ZNF433: variants seen among roughly 807,000 people sequenced by gnomAD.
ZNF433 encodes the protein zinc finger protein 433.
In ZNF433, 12 loss-of-function variants were observed where a neutral mutation model predicts 10.6. The ratio of observed to expected loss-of-function variants is 1.13; its 90% CI spans 0.72 to 1.83. The LOEUF is 1.83. ZNF433 is among the 40% of genes most tolerant of loss of function. The pLI is 0.00. For synonymous variants in ZNF433, 272 were observed against 271.3 expected (o/e 1.00, Z -0.02); for missense variants, 737 against 798.0 (o/e 0.92, Z 0.92).
chr19:12,022,154 G>A (rs1256783590), intron 1 of ZNF433: 2 of 405,594 alleles, frequency 4.9e-6, no homozygotes, highest in African/African-American at 4.1e-5. Context: ...GGGAACACCT[G>A]GCCCACCCAG....
At chr19:12,020,908 AC>A (rs1477821104) in intron 1 of ZNF433, among the ~76,000 whole-genome samples, 1 of 142,882 alleles carries the variant, frequency 7.0e-6, no homozygotes, top group African/African-American at 3.0e-5. Context: ...TGTCTCAAAA[AC>A]AAAAATATAA....
rs918389979 is a variant in ZNF433 at position 12,015,624 on chromosome 19, T to C, written c.1234A>G (p.Thr412Ala). Reference sequence around the variant, plus strand: ...TCGTAAGGTTTCTCTCCAGTGTGAGTTCTTTCATGATATCGGAAGGAACTG... The same window carrying C: ...TCGTAAGGTTTCTCTCCAGTGTGAGCTCTTTCATGATATCGGAAGGAACTG... ...SSSSFRYHER[T>A]HTGEKPYECK... Residue 412 changes from threonine (T) to alanine (A), a missense_variant, in exon 4 of 4, where the codon ACT becomes GCT. Coordinates refer to ENST00000550507, the MANE Select transcript of ZNF433 (RefSeq NM_001308348.2). 2 of 1,613,990 alleles carry C rather than the reference T, an allele frequency of 1.2e-6. No homozygotes were observed. The highest frequency in any genetic ancestry group is 1.7e-6 in the Non-Finnish European group (2 of 1,180,002).
intron 1 of ZNF433, chr19:12,025,938 C>G (rs982878119): frequency 1.3e-5 from 2 of 152,610 alleles, no homozygotes; most frequent in Admixed American, 1.3e-4. Flanking sequence ...GTCCCTGAAA[C>G]AGCAGTTGCA....
rs192872489 is a variant in ZNF433, at chr19:12,015,035, G to A, written c.1823C>T (p.Thr608Ile). The A allele has an allele frequency of 8.7e-6, 14 of 1,614,032 alleles. No individual in the cohort carries two copies. The Admixed American group carries it at 1.8e-4, about 21-fold the overall frequency. Residue 608 changes from threonine (T) to isoleucine (I), a missense_variant, in exon 4 of 4, where the codon ACT becomes ATT. Coordinates refer to ENST00000550507, the MANE Select transcript of ZNF433 (RefSeq NM_001308348.2). Reference sequence around the variant, plus strand: ...TTTATACGGTTTCTCTCCAGTGTGAGTCCTTCCATGCATTTGAAGTCGCGA... The same window carrying A: ...TTTATACGGTTTCTCTCCAGTGTGAATCCTTCCATGCATTTGAAGTCGCGA... ...CASRLQMHGR[T>I]HTGEKPYKCK... is the part of the protein sequence containing the mutation.
At chr19:12,021,879 G>A (rs927051611) in intron 1 of ZNF433, 35 of 444,358 alleles carry the variant, frequency 7.9e-5, no homozygotes, top group African/African-American at 5.8e-4. Context: ...TAGTAAGATA[G>A]GGGACTGTGG....
At chr19:12,018,667 A>T (rs976785630) in intron 1 of ZNF433, 1 of 162,808 alleles carries the variant, frequency 6.1e-6, no homozygotes, top group Non-Finnish European at 1.3e-5. Context: ...TCCTTGAAAA[A>T]AAAATGCCTA....
chr19:12,034,863 ATTCC>A (rs1245898588), intron 1 of ZNF433: 7 of 454,046 alleles, frequency 1.5e-5, no homozygotes, highest in Non-Finnish European at 2.2e-5. Context: ...TCTCCCTGCA[ATTCC>A]TGTCTCCCTG....
At chr19:12,024,824 G>A (rs1974661353) in intron 1 of ZNF433, 1 of 152,170 alleles carries the variant, frequency 6.6e-6, no homozygotes, top group Non-Finnish European at 1.5e-5. Flanking sequence ...TCGCTACTAT[G>A]ATAGGAAATG....
chr19:12,015,277 T>A lies in ZNF433; in HGVS notation c.1581A>T (p.Gly527=). 1 of 1,614,088 alleles carries A rather than the reference T, an allele frequency of 6.2e-7. No individual in the cohort carries two copies. Among genetic ancestry groups the A allele is most frequent in the South Asian group, 1.1e-5 (1 of 91,074 alleles). The change falls in exon 4 of 4, where the codon GGA becomes GGT. Residue 527 remains glycine (G), a synonymous_variant. Coordinates refer to ENST00000550507, the MANE Select transcript of ZNF433 (RefSeq NM_001308348.2). ...SFRYHGRTHT[G]EKPYECKQCG... ...ATTGCTTGCATTCATAGGGTTTCTC[T>A]CCAGTGTGAGTCCTTCCATGATATC...
Position 12,015,906 on chromosome 19 carries a change from A to C in ZNF433, c.952T>G (p.Cys318Gly). 2 of 1,612,464 alleles carry C rather than the reference A, an allele frequency of 1.2e-6. No individual in the cohort carries two copies. Among genetic ancestry groups the C allele is most frequent in the Non-Finnish European group, 1.7e-6 (2 of 1,179,458 alleles). The change falls in exon 4 of 4, where the codon TGT becomes GGT. Residue 318 changes from cysteine (C) to glycine (G), a missense_variant. Cys to Gly is a radical substitution (Grantham distance 159, BLOSUM62 -3). Transcript: ENST00000550507. ...ECKECGKAFK[C>G]PSSVRRHERT... is the part of the protein sequence containing the mutation. ...TCATGTCTGCGAACAGAACTGGGAC[A>C]CTTGAATGCTTTTCCACATTCCTTA... is the stretch of plus-strand genomic sequence containing the variant.
rs139956988 is a variant in ZNF433, at chr19:12,021,185, G to A, written c.4-2893C>T. On this transcript the variant is annotated intron_variant, in intron 1 of 3. Coordinates refer to ENST00000550507, the MANE Select transcript of ZNF433 (RefSeq NM_001308348.2). ...TTAGTAGAGACGGGGGTTTCACCAT[G>A]TTGGCCAAGCTGGTCTCAAACTCCT... Among the ~76,000 whole-genome samples the A allele has an allele frequency of 6.4e-3, 980 of 152,014 alleles. 16 individuals are homozygous for A. The highest frequency in any genetic ancestry group is 0.023 in the African/African-American group (937 of 41,492).
At chr19:12,031,080 G>A (rs1481928471) in intron 1 of ZNF433, among the ~76,000 whole-genome samples, 1 of 151,826 alleles carries the variant, frequency 6.6e-6, no homozygotes, top group Non-Finnish European at 1.5e-5. Flanking sequence ...GGCAGATCAC[G>A]AGGTCAAGAG....
chr19:12,030,214 GTTTATTTT>G (rs376771532), intron 1 of ZNF433: 4,937 of 436,858 alleles, frequency 0.011, 135 homozygotes, highest in African/African-American at 0.069. Context: ...AGAAAGAAAT[GTTTATTTT>G]TTTATTTTTT....
chr19:12,028,865 A>G (rs1974865656), intron 1 of ZNF433, among the ~76,000 whole-genome samples: 1 of 152,058 alleles, frequency 6.6e-6, no homozygotes, highest in Non-Finnish European at 1.5e-5. Context: ...TGAATTTCTT[A>G]ATTTTTGTGA....
At chr19:12,034,995 T>A in intron 1 of ZNF433, 2 of 403,458 alleles carry the variant, frequency 5.0e-6, no homozygotes, top group Non-Finnish European at 5.0e-6. Flanking sequence ...CTTTAAGTTA[T>A]TTTACACAGC....
At chr19:12,026,681 T>G (rs796692030) in intron 1 of ZNF433, 1 of 453,890 alleles carries the variant, frequency 2.2e-6, no homozygotes, top group South Asian at 1.6e-5. Flanking sequence ...TTGGACCTGG[T>G]CAGAAAAAAT....
At chr19:12,035,415 A>G in intron 1 of ZNF433, 122 bp downstream of exon 1, 1 of 1,398,062 alleles carries the variant, frequency 7.2e-7, no homozygotes, top group Non-Finnish European at 9.8e-7. Context: ...GAGCTGTCCC[A>G]CGGGAAATCG....
At chr19:12,029,462 C>T (rs1974894079) in intron 1 of ZNF433, among the ~76,000 whole-genome samples, 1 of 123,362 alleles carries the variant, frequency 8.1e-6, no homozygotes, top group South Asian at 2.8e-4. Context: ...GCGGAAGTTG[C>T]AGTGAGCTGA....
In ZNF433 at chr19:12,015,114, T is replaced by C; in HGVS notation, c.1744A>G (p.Thr582Ala). The change falls in exon 4 of 4, where the codon ACT (threonine) becomes GCT (alanine). Residue 582 changes from threonine (T) to alanine (A), a missense_variant. Coordinates refer to ENST00000550507, the MANE Select transcript of ZNF433 (RefSeq NM_001308348.2). ...SHLQMHGRTH[T>A]GEKPYECKQC... ...TTACATTCATAGGGTTTCTCTCCAGTGTGAGTCCTTCCATGCATTTGAAGG... is the reference window on the plus strand; with the variant it reads ...TTACATTCATAGGGTTTCTCTCCAGCGTGAGTCCTTCCATGCATTTGAAGG... The C allele has an allele frequency of 6.2e-7, 1 of 1,614,096 alleles. No homozygotes were observed. The highest frequency in any genetic ancestry group is 8.5e-7 in the Non-Finnish European group (1 of 1,179,990).
Sources: gnomAD v4.1 joint callset for allele counts (sites outside exome capture counted in the v4.1 genomes callset) on GRCh38, gnomAD v4.1.1 for gene constraint, MANE v1.5 for transcripts, NCBI Gene and HGNC (gene_info 2026-07-23, HGNC 2026-07-21) for gene names.